The following CKAP5 variants were observed in gnomAD, a reference collection of about 807,000 sequenced individuals.
CKAP5 encodes the protein cytoskeleton-associated protein 5.
Under a neutral mutation model 232.8 loss-of-function variants are expected in CKAP5, and 27 were observed. The observed-to-expected ratio is 0.12, with a 90% CI of 0.09 to 0.16. CKAP5 has a LOEUF of 0.16. Among genes scored for constraint, CKAP5 ranks in the 10% least tolerant of loss-of-function variants. The pLI is 1.00. For synonymous variants in CKAP5, 785 were observed against 841.1 expected (o/e 0.93, Z 1.16); for missense variants, 1,838 against 2,424.7 (o/e 0.76, Z 5.08).
At position 46,782,742 on chromosome 11, in the gene CKAP5, G is replaced by A. The variant is rs915432886; in HGVS notation, c.2249+532C>T. ...TAAGATAGGGATAATATAATACCTC[G>A]CTTAGTTGTTATGATGATTAAATCA... On this transcript the variant is annotated intron_variant, in intron 18 of 43. Transcript: ENST00000529230. 5.9e-5 allele frequency among the ~76,000 whole-genome samples: 9 copies of A among 152,088 alleles called. No individual in the cohort carries two copies. The South Asian group carries it at 1.9e-3, about 32-fold the overall frequency.
intron 1 of CKAP5, among the ~76,000 whole-genome samples, chr11:46,828,364 C>T (rs1450968063): frequency 6.6e-6 from 1 of 152,174 alleles, no homozygotes; most frequent in East Asian, 1.9e-4. Flanking sequence ...ATGCATTTAA[C>T]TGTAAAGAAT....
chr11:46,782,302 T>C (rs963271963), intron 18 of CKAP5, among the ~76,000 whole-genome samples: 2 of 152,130 alleles, frequency 1.3e-5, no homozygotes, highest in Non-Finnish European at 2.9e-5. Flanking sequence ...ATGTAATTGT[T>C]TAATAAATGA....
chr11:46,824,225 A>C (rs1345078008), intron 1 of CKAP5, among the ~76,000 whole-genome samples: 1 of 152,234 alleles, frequency 6.6e-6, no homozygotes, highest in East Asian at 1.9e-4. Flanking sequence ...GTTTATTAGG[A>C]TATGTGGAAC....
chr11:46,788,930 G>T (rs1323959190), intron 15 of CKAP5, among the ~76,000 whole-genome samples, 157 bp from the exon 16 acceptor site: 1 of 152,172 alleles, frequency 6.6e-6, no homozygotes, highest in East Asian at 1.9e-4. Flanking sequence ...CCGCTGTTAT[G>T]CTTTATTTCT....
chr11:46,780,372 C>T, intron 19 of CKAP5, 53 bp from the exon 20 acceptor site: 1 of 1,613,520 alleles, frequency 6.2e-7, no homozygotes, highest in Non-Finnish European at 8.5e-7. Flanking sequence ...GCAATAATAA[C>T]TTTTTAAATC....
At position 46,784,649 on chromosome 11, in the gene CKAP5, C is replaced by A; in HGVS notation, c.1993G>T (p.Val665Phe). Residue 665 changes from valine to phenylalanine, a missense_variant, in exon 17 of 44, where the codon GTT becomes TTT. By Grantham distance (50) the Val-to-Phe change is conservative. Transcript: ENST00000529230. ...FQVMQMKLHI[V>F]ALIAQKGNFS... ...TTTCCCTTCTGGGCAATCAAAGCAA[C>A]TATATGAAGCTTCATTTGCATCACC... 6.2e-7 allele frequency: 1 copy of A among 1,613,916 alleles called. No homozygotes were observed. Among genetic ancestry groups the A allele is most frequent in the Non-Finnish European group, 8.5e-7 (1 of 1,179,902 alleles).
intron 36 of CKAP5, 85 bp from the exon 37 acceptor site, chr11:46,753,582 C>A (rs2065086509): frequency 9.7e-7 from 1 of 1,028,932 alleles, no homozygotes; most frequent in Non-Finnish European, 1.4e-6. Context: ...GATAAATATT[C>A]AATTATGTTG....
rs113487641 is a variant in CKAP5 at position 46,744,400 on chromosome 11, A to G, written c.5856+26T>C. On this transcript the variant is annotated intron_variant, in intron 43 of 43. Transcript: ENST00000529230. ...ACCTGCTTGTGACTACCCTCCCTGA[A>G]CTGCACAGAAGAAAAGGAGCAGTAC... 2,543 of 1,614,090 alleles carry G rather than the reference A, an allele frequency of 1.6e-3. 26 individuals are homozygous for G. In the African/African-American group the frequency reaches 0.03, roughly 19 times the overall value.
intron 34 of CKAP5, 77 bp from the exon 35 acceptor site, chr11:46,759,120 A>G: frequency 1.3e-6 from 2 of 1,562,860 alleles, no homozygotes. Flanking sequence ...ACAATTCTCC[A>G]CTAGGTCCAG....
chr11:46,841,232 C>T (rs559087598), intron 1 of CKAP5, among the ~76,000 whole-genome samples: 158 of 151,098 alleles, frequency 1.0e-3, no homozygotes, highest in African/African-American at 3.8e-3. Flanking sequence ...ACTGCGCCAC[C>T]GCACTCCAGC....
At chr11:46,778,744 AT>A in intron 20 of CKAP5, 145 bp from the exon 21 acceptor site, 1 of 658,590 alleles carries the variant, frequency 1.5e-6, no homozygotes, top group Admixed American at 2.9e-5. Context: ...CTAGATTACA[AT>A]TTTGAGACCA....
intron 1 of CKAP5, among the ~76,000 whole-genome samples, chr11:46,839,400 C>T (rs1939998507): frequency 6.6e-6 from 1 of 152,152 alleles, no homozygotes; most frequent in South Asian, 2.1e-4. Context: ...TTCTAAACTC[C>T]AGAGGCAAGA....
At chr11:46,838,134 C>T (rs1023449087) in intron 1 of CKAP5, among the ~76,000 whole-genome samples, 2 of 152,134 alleles carry the variant, frequency 1.3e-5, no homozygotes, top group Non-Finnish European at 2.9e-5. Flanking sequence ...TGCCCAAAAC[C>T]TGTAACTCCA....
At chr11:46,784,463 G>A (rs1441790201) in intron 17 of CKAP5, 25 bp downstream of exon 17, 9 of 1,562,292 alleles carry the variant, frequency 5.8e-6, no homozygotes, top group African/African-American at 1.4e-5. Flanking sequence ...GAAAACTAGA[G>A]GAATAAGACT....
chr11:46,758,096 T>C (rs921736695), intron 35 of CKAP5, among the ~76,000 whole-genome samples: 2 of 152,184 alleles, frequency 1.3e-5, no homozygotes, highest in Non-Finnish European at 2.9e-5. Flanking sequence ...CCTATCATAA[T>C]TGAAATAAAA....
chr11:46,828,223 T>TA (rs1484941006), intron 1 of CKAP5, among the ~76,000 whole-genome samples: 2 of 132,904 alleles, frequency 1.5e-5, no homozygotes, highest in Non-Finnish European at 3.1e-5. Context: ...AACCCTAAGC[T>TA]AAAGTTGCCA....
chr11:46,753,510 A>C lies in CKAP5; in HGVS notation c.4870-13T>G. ...CTATCTGAAACAGCTATCCAGACAT[A>C]CTTGTGTCAGGGAGGTGTAAAACTC... On this transcript the variant is annotated splice_polypyrimidine_tract_variant and intron_variant, in intron 36 of 43. Coordinates refer to ENST00000529230, the MANE Select transcript of CKAP5 (RefSeq NM_001008938.4). The C allele has an allele frequency of 6.3e-7, 1 of 1,595,524 alleles. No individual in the cohort carries two copies. The highest frequency in any genetic ancestry group is 8.5e-7 in the Non-Finnish European group (1 of 1,171,898).
rs762322355 is a variant in CKAP5, at chr11:46,762,044, C to A, written c.4177G>T (p.Val1393Leu). 3.1e-6 allele frequency: 5 copies of A among 1,614,050 alleles called. No homozygotes were observed. Among genetic ancestry groups the A allele is most frequent in the Non-Finnish European group, 4.2e-6 (5 of 1,179,882 alleles). Residue 1393 changes from valine to leucine, a missense_variant, in exon 32 of 44, where the codon GTG becomes TTG. Val to Leu is a conservative substitution (Grantham distance 32, BLOSUM62 1). Coordinates refer to ENST00000529230, the MANE Select transcript of CKAP5 (RefSeq NM_001008938.4). ...RNAALNTIVTVYNVHGDQVFK... is the reference protein window; with the variant it reads ...RNAALNTIVTLYNVHGDQVFK... ...ACCTGATCCCCATGTACATTGTACA[C>A]CGTTACAATGGTGTTGAGTGCAGCA...
intron 15 of CKAP5, among the ~76,000 whole-genome samples, chr11:46,789,107 A>G (rs1444466409): frequency 6.6e-6 from 1 of 152,218 alleles, no homozygotes; most frequent in Non-Finnish European, 1.5e-5. Context: ...GAAACTGCTT[A>G]TATGTATTTT....
Sources: gnomAD v4.1 joint callset for allele counts (sites outside exome capture counted in the v4.1 genomes callset) on GRCh38, gnomAD v4.1.1 for gene constraint, MANE v1.5 for transcripts, NCBI Gene and HGNC (gene_info 2026-07-23, HGNC 2026-07-21) for gene names.